KIF21A: variants seen among roughly 807,000 people sequenced by gnomAD.
KIF21A encodes the protein kinesin family member 21A.
In KIF21A, 114 loss-of-function variants were observed where a neutral mutation model predicts 202.9. The observed-to-expected ratio is 0.56, with a 90% CI of 0.48 to 0.66. The LOEUF (loss-of-function observed/expected upper bound fraction) is 0.66. Ranked by LOEUF, KIF21A falls within the 30% of genes least tolerant of loss-of-function variation. KIF21A has a pLI of 0.00. For missense variants in KIF21A, 1,677 were observed against 1,994.9 expected, an observed-to-expected ratio of 0.84 and a Z score of 3.04; for synonymous variants, 667 against 670.8, an observed-to-expected ratio of 0.99 and a Z score of 0.09.
At chr12:39,303,287 ATTTAT>A (rs1312802330) in intron 35 of KIF21A, 152 bp from the exon 36 acceptor site, 4 of 662,396 alleles carry the variant, frequency 6.0e-6, no homozygotes, top group Non-Finnish European at 1.0e-5. Context: ...TTTTCTTTTT[ATTTAT>A]TTTATTTATT....
chr12:39,389,718 T>G (rs1951210727), intron 1 of KIF21A, among the ~76,000 whole-genome samples: 1 of 152,220 alleles, frequency 6.6e-6, no homozygotes. Context: ...GTACAATATA[T>G]CCTTATCCAT....
intron 1 of KIF21A, among the ~76,000 whole-genome samples, chr12:39,441,660 TAAAAAAA>T (rs56245570): frequency 5.3e-5 from 2 of 37,792 alleles, no homozygotes; most frequent in East Asian, 4.2e-4. Context: ...CCCTGGGTGG[TAAAAAAA>T]AAAAAAAAAA....
rs1947402578 is a variant in KIF21A at position 39,341,120 on chromosome 12, A to T, written c.1922-26T>A. 2.0e-6 allele frequency: 3 copies of T among 1,537,512 alleles called. No homozygotes were observed. In the East Asian group the frequency reaches 7.0e-5, roughly 36 times the overall value. ...CTATTTATAAAAGAAGAAAATAAAA[A>T]TCCTGGTGCTAGGCCAAAATATCAG... On this transcript the variant is annotated intron_variant, in intron 14 of 37. Coordinates refer to ENST00000361418, the MANE Select transcript of KIF21A (RefSeq NM_001173464.2).
At chr12:39,311,840 G>A (rs749212592) in intron 31 of KIF21A, 95 of 348,758 alleles carry the variant, frequency 2.7e-4, no homozygotes, top group South Asian at 5.1e-4. Flanking sequence ...AAGGTTTAAC[G>A]AAGCCACAAT....
intron 1 of KIF21A, among the ~76,000 whole-genome samples, chr12:39,411,095 T>C (rs1159286916): frequency 2.0e-5 from 3 of 152,232 alleles, no homozygotes; most frequent in African/African-American, 7.2e-5. Context: ...CAGTCCCTAA[T>C]TGCTTTTTGT....
At chr12:39,343,754 G>C (rs1947650183) in intron 12 of KIF21A, among the ~76,000 whole-genome samples, 1 of 152,132 alleles carries the variant, frequency 6.6e-6, no homozygotes, top group South Asian at 2.1e-4. Flanking sequence ...TTTCTCACTA[G>C]GCAGTCAGCT....
chr12:39,328,955 T>G (rs1946233809), intron 24 of KIF21A, among the ~76,000 whole-genome samples: 1 of 152,224 alleles, frequency 6.6e-6, no homozygotes, highest in African/African-American at 2.4e-5. Context: ...CACTGCAATA[T>G]ATCATAATCT....
intron 1 of KIF21A, among the ~76,000 whole-genome samples, chr12:39,437,047 C>T (rs994683209): frequency 1.3e-5 from 2 of 152,124 alleles, no homozygotes; most frequent in Non-Finnish European, 2.9e-5. Flanking sequence ...GTCCGAGACT[C>T]ATCTTTGAGC....
intron 11 of KIF21A, among the ~76,000 whole-genome samples, chr12:39,348,974 T>C (rs1948137876): frequency 6.6e-6 from 1 of 152,058 alleles, no homozygotes; most frequent in Non-Finnish European, 1.5e-5. Context: ...CAAATGGCTT[T>C]GTTCCTGAGT....
intron 1 of KIF21A, among the ~76,000 whole-genome samples, chr12:39,371,052 A>G (rs1949918608): frequency 1.3e-5 from 2 of 152,218 alleles, no homozygotes; most frequent in Admixed American, 1.3e-4. Context: ...TATAATACCT[A>G]ATACAATGTT....
At chr12:39,405,170 G>A (rs1952485141) in intron 1 of KIF21A, among the ~76,000 whole-genome samples, 1 of 152,026 alleles carries the variant, frequency 6.6e-6, no homozygotes, top group South Asian at 2.1e-4. Flanking sequence ...TGGCCAACAT[G>A]GTGAAACCCA....
intron 11 of KIF21A, among the ~76,000 whole-genome samples, chr12:39,351,417 G>A (rs1948368989): frequency 6.6e-6 from 1 of 152,036 alleles, no homozygotes; most frequent in South Asian, 2.1e-4. Flanking sequence ...ATTGCATTAG[G>A]AAATGGGGAA....
intron 1 of KIF21A, among the ~76,000 whole-genome samples, chr12:39,396,749 A>T (rs1270194261): frequency 1.3e-5 from 2 of 152,252 alleles, no homozygotes; most frequent in African/African-American, 4.8e-5. Context: ...GGGTAGACAT[A>T]GAAATATGTA....
intron 1 of KIF21A, among the ~76,000 whole-genome samples, chr12:39,436,448 A>ATATTTTTT (rs1387332677): frequency 2.1e-5 from 2 of 95,756 alleles, no homozygotes; most frequent in Non-Finnish European, 4.0e-5. Flanking sequence ...ATATATATAT[A>ATATTTTTT]TTTTTTTTTT....
chr12:39,416,715 G>GTATATATGTACATATATATGTGTATATA (rs1953706024), intron 1 of KIF21A, among the ~76,000 whole-genome samples: 1 of 74,312 alleles, frequency 1.3e-5, no homozygotes, highest in African/African-American at 7.3e-5. Context: ...ATATATGTGT[G>GTATATATGTACATATATATGTGTATATA]TATATATGTA....
At chr12:39,378,360 T>C (rs1950394642) in intron 1 of KIF21A, among the ~76,000 whole-genome samples, 2 of 152,184 alleles carry the variant, frequency 1.3e-5, no homozygotes, top group Non-Finnish European at 2.9e-5. Context: ...ATTGAAATAA[T>C]GCACATGGGC....
intron 16 of KIF21A, 146 bp from the exon 17 acceptor site, chr12:39,337,349 C>T (rs1441516156): frequency 1.6e-6 from 1 of 643,668 alleles, no homozygotes; most frequent in African/African-American, 1.8e-5. Context: ...GTGGGCAATT[C>T]TTATTTCTGT....
intron 3 of KIF21A, among the ~76,000 whole-genome samples, chr12:39,368,772 G>A (rs1949770341): frequency 6.6e-6 from 1 of 150,590 alleles, no homozygotes; most frequent in South Asian, 2.1e-4. Context: ...TTTCTATGTT[G>A]TGCTACATAA....
intron 31 of KIF21A, 114 bp downstream of exon 31, chr12:39,315,113 AAC>A: frequency 1.0e-6 from 1 of 976,194 alleles, no homozygotes. Context: ...AAATTTGTAC[AAC>A]AGACTTGATC....
Sources: gnomAD v4.1 joint callset for allele counts (sites outside exome capture counted in the v4.1 genomes callset) on GRCh38, gnomAD v4.1.1 for gene constraint, MANE v1.5 for transcripts, NCBI Gene and HGNC (gene_info 2026-07-23, HGNC 2026-07-21) for gene names.